The following TIPIN variants were observed in gnomAD, a reference collection of about 807,000 sequenced individuals.
TIPIN encodes TIMELESS-interacting protein.
Under a neutral mutation model 35.6 loss-of-function variants are expected in TIPIN, and 29 were observed. The ratio of observed to expected loss-of-function variants is 0.82; its 90% CI spans 0.61 to 1.11. TIPIN has a LOEUF of 1.11. Among genes scored for constraint, TIPIN ranks in the 50% most tolerant of loss-of-function variants. The probability of loss-of-function intolerance (pLI) is 0.00; values close to 1 mark genes in which losing one functional copy is unlikely to be tolerated. For missense variants in TIPIN, 296 were observed against 345.4 expected, an observed-to-expected ratio of 0.86 and a Z score of 1.13; for synonymous variants, 102 against 121.5, an observed-to-expected ratio of 0.84 and a Z score of 1.06.
intron 1 of TIPIN, among the ~76,000 whole-genome samples, chr15:66,364,096 G>A (rs900189690): frequency 2.0e-5 from 3 of 151,082 alleles, no homozygotes; most frequent in African/African-American, 7.3e-5. Context: ...AATTCAACAT[G>A]AGATCTCGGC....
intron 7 of TIPIN, 111 bp from the exon 8 acceptor site, chr15:66,337,292 T>TTCC: frequency 1.5e-6 from 1 of 675,740 alleles, no homozygotes; most frequent in South Asian, 2.8e-5. Context: ...CTAAGATCAC[T>TTCC]TAATGTTAAT....
At chr15:66,360,265 A>C, upstream of TIPIN, among the ~76,000 whole-genome samples, 1 of 152,286 alleles carries the variant, frequency 6.6e-6, no homozygotes, top group South Asian at 2.1e-4. Context: ...AATACATTTT[A>C]TATAACTATC....
chr15:66,352,839 C>T lies in TIPIN; in HGVS notation c.109G>A (p.Gly37Ser), dbSNP rs141529487. ...CCTTCATCAGGCTCAGTTCCTTCAC[C>T]ATCTTGTCTCTCTGGAGAGGCTGGA... The part of the protein sequence containing the change: ...PPPASPERQD[G>S]EGTEPDEESG... Residue 37 changes from glycine to serine, a missense_variant, in exon 2 of 8, where the codon GGT (glycine) becomes AGT (serine). By Grantham distance (56) the Gly-to-Ser change is moderately conservative. Transcript: ENST00000261881. 7 of 1,612,884 alleles carry T rather than the reference C, an allele frequency of 4.3e-6. No individual in the cohort carries two copies. The highest frequency in any genetic ancestry group is 1.3e-5 in the African/African-American group (1 of 74,880).
At chr15:66,379,446 G>A in intron 1 of TIPIN, 1 of 1,605,474 alleles carries the variant, frequency 6.2e-7, no homozygotes, top group Admixed American at 1.7e-5. Context: ...CAAAGCCGCT[G>A]AATTTGAAAC....
chr15:66,347,346 G>A (rs754286147), intron 6 of TIPIN: 3 of 506,544 alleles, frequency 5.9e-6, no homozygotes, highest in South Asian at 2.9e-5. Flanking sequence ...CAGTCACAAA[G>A]GTCTCACTAA....
At chr15:66,362,712 T>G (rs2093236865) in intron 1 of TIPIN, among the ~76,000 whole-genome samples, 1 of 151,936 alleles carries the variant, frequency 6.6e-6, no homozygotes, top group Admixed American at 6.6e-5. Context: ...CAGAAAAGAC[T>G]ACATCTCAAA....
chr15:66,362,260 G>A (rs982403885), intron 1 of TIPIN, among the ~76,000 whole-genome samples: 9 of 151,682 alleles, frequency 5.9e-5, no homozygotes, highest in South Asian at 2.1e-4. Context: ...CCGAGATTGC[G>A]TCACTGCATT....
At chr15:66,357,479 G>A (rs2093211088), upstream of TIPIN, among the ~76,000 whole-genome samples, 1 of 151,778 alleles carries the variant, frequency 6.6e-6, no homozygotes, top group African/African-American at 2.4e-5. Flanking sequence ...CCAGCACTTT[G>A]GGAGGCCCAG....
rs534191643 is a variant in TIPIN at position 66,356,519 on chromosome 15, T to A, written c.-9+120A>T. 3.2e-5 allele frequency: 26 copies of A among 824,912 alleles called. No individual in the cohort carries two copies. In the African/African-American group the frequency reaches 4.6e-4, roughly 15 times the overall value. The allele number at this position is 824,912 out of a possible 1,614,324, so 51.1% of individuals were successfully genotyped here. A position where few individuals can be genotyped will look rare whatever the true frequency, so the allele number is the denominator to read the frequency against. On this transcript the variant is annotated intron_variant, in intron 1 of 7. Transcript: ENST00000261881. ...CCCCCCAACCTCCTGACCCCCTTCC[T>A]GCGACAATTAGGCTTTCCCGCTAGT...
chr15:66,381,456 G>A (rs920447747), intron 1 of TIPIN, among the ~76,000 whole-genome samples: 1 of 151,770 alleles, frequency 6.6e-6, no homozygotes, highest in African/African-American at 2.4e-5. Flanking sequence ...TAAAAAAAAA[G>A]AATAGAGATC....
At chr15:66,337,849 A>G (rs991606749) in intron 7 of TIPIN, among the ~76,000 whole-genome samples, 1 of 152,008 alleles carries the variant, frequency 6.6e-6, no homozygotes, top group Non-Finnish European at 1.5e-5. Flanking sequence ...AGCCTGGGTG[A>G]CAAAGTGAGA....
intron 7 of TIPIN, 61 bp from the exon 8 acceptor site, chr15:66,337,242 G>GT: frequency 7.5e-7 from 1 of 1,333,754 alleles, no homozygotes; most frequent in Non-Finnish European, 1.0e-6. Context: ...TACCGCATGA[G>GT]TACAAACCTC....
intron 4 of TIPIN, among the ~76,000 whole-genome samples, chr15:66,350,693 GCCAAGGCGGGCGGAT>G (rs1467504785): frequency 6.6e-6 from 1 of 151,692 alleles, no homozygotes; most frequent in Non-Finnish European, 1.5e-5. Flanking sequence ...ACTTTGGGAG[GCCAAGGCGGGCGGAT>G]CACGAGGTCA....
chr15:66,386,656 G>A (rs1490277178), exon 1 of TIPIN: 2 of 176,740 alleles, frequency 1.1e-5, no homozygotes, highest in Non-Finnish European at 2.4e-5. Flanking sequence ...TCACCACACA[G>A]CGACACAGAC....
At chr15:66,357,740 G>A (rs1224522973), upstream of TIPIN, among the ~76,000 whole-genome samples, 1 of 151,938 alleles carries the variant, frequency 6.6e-6, no homozygotes, top group Non-Finnish European at 1.5e-5. Context: ...GGCAGATCAC[G>A]AGGTCAGGAA....
intron 6 of TIPIN, among the ~76,000 whole-genome samples, chr15:66,344,078 A>C (rs1296070273): frequency 6.6e-6 from 1 of 152,198 alleles, no homozygotes; most frequent in Non-Finnish European, 1.5e-5. Context: ...ATCAATAAGA[A>C]AATACATAAA....
chr15:66,337,994 G>A (rs571126477), intron 7 of TIPIN, among the ~76,000 whole-genome samples: 2 of 152,222 alleles, frequency 1.3e-5, no homozygotes, highest in Non-Finnish European at 2.9e-5. Flanking sequence ...AGTGGATCAT[G>A]CCTGTAATCT....
intron 1 of TIPIN, among the ~76,000 whole-genome samples, chr15:66,373,470 G>A (rs1336423087): frequency 2.7e-5 from 4 of 150,204 alleles, no homozygotes; most frequent in African/African-American, 7.4e-5. Flanking sequence ...TCCAGCCTGG[G>A]CGACAGAGCG....
In TIPIN at chr15:66,337,204, T is replaced by C. The variant is rs62625673; in HGVS notation, c.683-23A>G. 2,422 of 1,594,290 alleles carry C rather than the reference T, an allele frequency of 1.5e-3. 31 individuals carry two copies. In the African/African-American group the frequency reaches 0.028, roughly 18 times the overall value. Reference sequence around the variant, plus strand: ...TATCTGAAAGAAATCATACCATTATTATTCATTATAAGTACCTGATCCAAT... The same window carrying C: ...TATCTGAAAGAAATCATACCATTATCATTCATTATAAGTACCTGATCCAAT... On this transcript the variant is annotated intron_variant, in intron 7 of 7. Transcript: ENST00000261881.
Sources: allele counts gnomAD v4.1 joint callset (sites outside exome capture counted in the v4.1 genomes callset), GRCh38; gene constraint gnomAD v4.1.1; transcripts MANE v1.5; gene names NCBI Gene and HGNC (gene_info 2026-07-23, HGNC 2026-07-21).